The following DET1 variants were observed in gnomAD, a reference collection of about 807,000 sequenced individuals.
The protein encoded by DET1 is DET1 homolog.
DET1 carries 22 observed loss-of-function variants against 43.7 expected under a neutral mutation model. The ratio of observed to expected loss-of-function variants is 0.50; its 90% confidence interval spans 0.36 to 0.72. The LOEUF is 0.72. Among genes scored for constraint, DET1 ranks in the 30% least tolerant of loss-of-function variants. DET1 has a pLI of 0.00. For synonymous variants in DET1, 315 were observed against 266.2 expected, an observed-to-expected ratio of 1.18 and a Z score of -1.79; for missense variants, 713 against 713.3, an observed-to-expected ratio of 1.00 and a Z score of 0.00.
At chr15:88,517,543 A>G (rs534460413) in intron 3 of DET1, among the ~76,000 whole-genome samples, 8 of 152,286 alleles carry the variant, frequency 5.3e-5, no homozygotes, top group African/African-American at 1.7e-4. Context: ...AGAAAAGTTA[A>G]CAAAGACTCT....
chr15:88,542,237 C>T (rs2057128134), intron 1 of DET1, among the ~76,000 whole-genome samples: 1 of 152,108 alleles, frequency 6.6e-6, no homozygotes, highest in African/African-American at 2.4e-5. Context: ...ACCGGTAGGC[C>T]TGAGGAGGAA....
At chr15:88,537,772 C>G (rs1311259492) in intron 1 of DET1, among the ~76,000 whole-genome samples, 1 of 152,216 alleles carries the variant, frequency 6.6e-6, no homozygotes, top group East Asian at 1.9e-4. Context: ...CAGGCATCCA[C>G]AGGGACTATT....
chr15:88,515,003 C>A (rs963539235), intron 4 of DET1, among the ~76,000 whole-genome samples: 10 of 152,158 alleles, frequency 6.6e-5, no homozygotes, highest in African/African-American at 2.2e-4. Context: ...GTATAAAAAA[C>A]ACATAGCCTT....
chr15:88,545,044 C>T (rs184009530), intron 1 of DET1, among the ~76,000 whole-genome samples: 5 of 152,212 alleles, frequency 3.3e-5, no homozygotes, highest in African/African-American at 9.6e-5. Flanking sequence ...ATCACCCTGA[C>T]GCTAGCTGTC....
rs1000710879 is a variant in DET1, at chr15:88,516,182, C to T, written c.1463+600G>A. The stretch of plus-strand genomic sequence containing the variant: ...ACTCCACTAGTGACAATAATTCCAG[C>T]TCCTCCCCCTAATATTATTACAGCA... On this transcript the variant is annotated intron_variant, in intron 4 of 4. Transcript: ENST00000268148. The surrounding 1 kb of genome is among the most constrained non-coding windows in gnomAD (Gnocchi z 4.4). 2.0e-5 allele frequency among the ~76,000 whole-genome samples: 3 copies of T among 152,176 alleles called. No homozygotes were observed. Among genetic ancestry groups the T allele is most frequent in the African/African-American group, 4.8e-5 (2 of 41,422 alleles).
At chr15:88,542,308 T>G (rs576547645) in intron 1 of DET1, among the ~76,000 whole-genome samples, 1 of 152,130 alleles carries the variant, frequency 6.6e-6, no homozygotes, top group Non-Finnish European at 1.5e-5. Flanking sequence ...CCCAAATTCC[T>G]CAGGTGGAAG....
At chr15:88,505,260 C>T (rs912523518) in intron 7 of DET1, 2 of 152,226 alleles carry the variant, frequency 1.3e-5, no homozygotes, top group Non-Finnish European at 2.9e-5. Context: ...GATGGGTCAA[C>T]TTCTCCTTTA....
intron 3 of DET1, among the ~76,000 whole-genome samples, chr15:88,520,100 C>G (rs2056449012): frequency 6.6e-6 from 1 of 152,208 alleles, no homozygotes; most frequent in Non-Finnish European, 1.5e-5. Flanking sequence ...TAGCACCCAA[C>G]CCCTCTCATA....
intron 3 of DET1, among the ~76,000 whole-genome samples, chr15:88,519,167 T>G (rs1261670727): frequency 6.6e-6 from 1 of 152,172 alleles, no homozygotes; most frequent in African/African-American, 2.4e-5. Context: ...TGTGATAATC[T>G]ACAAGTTGAA....
At chr15:88,513,175 G>A in intron 4 of DET1, 35 bp from the exon 5 acceptor site, 8 of 1,560,428 alleles carry the variant, frequency 5.1e-6, no homozygotes, top group Non-Finnish European at 6.1e-6. Context: ...GAGAAAGAGG[G>A]GACAGGATTG....
rs115965177 is a variant in DET1 at position 88,543,128 on chromosome 15, C to A, written c.-11+3412G>T. Among the ~76,000 whole-genome samples the A allele has an allele frequency of 5.5e-3, 833 of 152,234 alleles. 10 individuals are homozygous for A. Among genetic ancestry groups the A allele is most frequent in the African/African-American group, 0.019 (789 of 41,532 alleles). ...GCCCCTGCTTTAGGCCTCCCAGATA[C>A]CTCAAAGCCTTTTCATCTGTTTGTC... On this transcript the variant is annotated intron_variant, in intron 1 of 4. Transcript: ENST00000268148.
Position 88,527,642 on chromosome 15 carries a change from A to G in DET1, c.1228T>C (p.Cys410Arg). ...GCAAAATTGTTGCTAGAAGCTGAGC[A>G]GGGAAACTGAACTTCACTGTGCAGG... ...ATLHSEVQFPCSASSNNFARQ... is the reference protein window; with the variant it reads ...ATLHSEVQFPRSASSNNFARQ... Residue 410 changes from cysteine (C) to arginine (R), a missense_variant, in exon 3 of 5, where the codon TGC (cysteine) becomes CGC (arginine). Cys to Arg is a radical substitution (Grantham distance 180). Coordinates refer to ENST00000268148, the MANE Select transcript of DET1 (RefSeq NM_001144074.3). 6.2e-7 allele frequency: 1 copy of G among 1,612,314 alleles called. No homozygotes were observed. Among genetic ancestry groups the G allele is most frequent in the Non-Finnish European group, 8.5e-7 (1 of 1,179,034 alleles).
At chr15:88,510,634 T>C (rs367627387), downstream of DET1, among the ~76,000 whole-genome samples, 107 of 152,298 alleles carry the variant, frequency 7.0e-4, no homozygotes, top group South Asian at 0.02. Flanking sequence ...GTAAAGTCCT[T>C]AAGATGGGAT....
intron 1 of DET1, among the ~76,000 whole-genome samples, chr15:88,539,496 C>T (rs2057046032): frequency 6.6e-6 from 1 of 150,568 alleles, no homozygotes; most frequent in Non-Finnish European, 1.5e-5. Flanking sequence ...AAACTGTTTA[C>T]CTGCCCTAGG....
rs2056699849 is a variant in DET1, at chr15:88,527,610, C to G, written c.1260G>C (p.Gln420His). 1 of 1,604,628 alleles carries G rather than the reference C, an allele frequency of 6.2e-7. No individual in the cohort carries two copies. Among genetic ancestry groups the G allele is most frequent in the Non-Finnish European group, 8.5e-7 (1 of 1,174,604 alleles). The change falls in exon 3 of 5, where the codon CAG becomes CAC. Residue 420 changes from glutamine (Q) to histidine (H), a missense_variant. Coordinates refer to ENST00000268148, the MANE Select transcript of DET1 (RefSeq NM_001144074.3). ...CSASSNNFARQIQRRFKDTII... is the reference protein window; with the variant it reads ...CSASSNNFARHIQRRFKDTII... ...GTGGAACAGCTTACCGGCGCTGGAT[C>G]TGCCTTGCAAAATTGTTGCTAGAAG...
intron 3 of DET1, among the ~76,000 whole-genome samples, chr15:88,527,083 T>C (rs1443097230): frequency 1.3e-5 from 2 of 152,338 alleles, no homozygotes; most frequent in Non-Finnish European, 2.9e-5. Flanking sequence ...GCTTTTCAGC[T>C]TTTAAAACTT....
In DET1 at chr15:88,516,043, G is replaced by A. The variant is rs971432858; in HGVS notation, c.1463+739C>T. ...CACACAGGCACATTTAATACACAATGAGACTGGATGATGAAATATATCTAT... is the reference window on the plus strand; with the variant it reads ...CACACAGGCACATTTAATACACAATAAGACTGGATGATGAAATATATCTAT... On this transcript the variant is annotated intron_variant, in intron 4 of 4. Coordinates refer to ENST00000268148, the MANE Select transcript of DET1 (RefSeq NM_001144074.3). The surrounding 1 kb of genome is among the most constrained non-coding windows in gnomAD (Gnocchi z 4.4). Among the ~76,000 whole-genome samples, 1 of 152,184 alleles carries A rather than the reference G, an allele frequency of 6.6e-6. No homozygotes were observed. The highest frequency in any genetic ancestry group is 1.5e-5 in the Non-Finnish European group (1 of 68,036).
At chr15:88,514,363 A>G (rs1786770956) in intron 4 of DET1, among the ~76,000 whole-genome samples, 1 of 152,068 alleles carries the variant, frequency 6.6e-6, no homozygotes, top group South Asian at 2.1e-4. Flanking sequence ...AAGTCCTATA[A>G]TCTCCTTTTG....
Position 88,527,594 on chromosome 15 carries a change from C to T in DET1, c.1271+5G>A, listed in dbSNP as rs1234076931. The stretch of plus-strand genomic sequence containing the variant: ...AAGACTGTTGAGTCTGGTGGAACAG[C>T]TTACCGGCGCTGGATCTGCCTTGCA... On this transcript the variant is annotated splice_donor_5th_base_variant and intron_variant, in intron 3 of 4. Coordinates refer to ENST00000268148, the MANE Select transcript of DET1 (RefSeq NM_001144074.3). The T allele has an allele frequency of 1.3e-6, 2 of 1,592,822 alleles. No homozygotes were observed. Among genetic ancestry groups the T allele is most frequent in the East Asian group, 4.5e-5 (2 of 44,206 alleles).
Sources: allele counts gnomAD v4.1 joint callset (sites outside exome capture counted in the v4.1 genomes callset), GRCh38; gene constraint gnomAD v4.1.1; non-coding constraint Gnocchi (gnomAD v3.1); transcripts MANE v1.5; gene names NCBI Gene and HGNC (gene_info 2026-07-23, HGNC 2026-07-21).